Variants in ADAMTS19 observed in about 807,000 individuals in gnomAD.
ADAMTS19 encodes the protein A disintegrin and metalloproteinase with thrombospondin motifs 19.
A neutral mutation model predicts 153.3 loss-of-function variants in ADAMTS19; 93 were observed. The observed-to-expected ratio is 0.61, with a 90% CI of 0.51 to 0.72. The LOEUF is 0.72. ADAMTS19 is among the 30% of genes least tolerant of loss of function. The pLI is 0.00. For missense variants in ADAMTS19, 1,482 were observed against 1,552.1 expected (o/e 0.95, Z 0.76); for synonymous variants, 600 against 556.6 (o/e 1.08, Z -1.10).
intron 19 of ADAMTS19, among the ~76,000 whole-genome samples, chr5:129,700,313 G>T (rs1452067207): frequency 6.6e-6 from 1 of 152,134 alleles, no homozygotes; most frequent in Non-Finnish European, 1.5e-5. Context: ...GTTAAGTTTA[G>T]CCCTGAGTCT....
chr5:129,611,711 G>T (rs2126955763), intron 8 of ADAMTS19, among the ~76,000 whole-genome samples: 1 of 152,224 alleles, frequency 6.6e-6, no homozygotes, highest in East Asian at 1.9e-4. Context: ...TTAGTTTGAA[G>T]TCAGGTAGTG....
intron 3 of ADAMTS19, among the ~76,000 whole-genome samples, chr5:129,516,002 T>C (rs1751592928): frequency 6.6e-6 from 1 of 151,944 alleles, no homozygotes; most frequent in Admixed American, 6.6e-5. Flanking sequence ...TGAAGAGATG[T>C]TGAATTTTAT....
At chr5:129,725,873 A>G (rs1757189095) in intron 21 of ADAMTS19, among the ~76,000 whole-genome samples, 1 of 152,140 alleles carries the variant, frequency 6.6e-6, no homozygotes, top group Non-Finnish European at 1.5e-5. Context: ...GTTGGTTTAC[A>G]TGGTGAAATT....
At chr5:129,650,315 G>C (rs1753261023) in intron 13 of ADAMTS19, among the ~76,000 whole-genome samples, 1 of 152,222 alleles carries the variant, frequency 6.6e-6, no homozygotes, top group South Asian at 2.1e-4. Context: ...TAGTCAATTT[G>C]AACTTTGCTT....
intron 15 of ADAMTS19, among the ~76,000 whole-genome samples, chr5:129,662,888 ATTTTTTT>A (rs3049499): frequency 1.1e-5 from 1 of 92,888 alleles, no homozygotes; most frequent in African/African-American, 4.7e-5. Flanking sequence ...ATTCTTCTTC[ATTTTTTT>A]TTTTTTTTTT....
chr5:129,580,907 G>C (rs970443816), intron 7 of ADAMTS19, among the ~76,000 whole-genome samples: 2 of 152,080 alleles, frequency 1.3e-5, no homozygotes, highest in African/African-American at 4.8e-5. Flanking sequence ...TTTTTGATGT[G>C]TCTCTGCCAG....
chr5:129,686,688 T>C (rs1438882903), intron 18 of ADAMTS19, among the ~76,000 whole-genome samples: 1 of 152,042 alleles, frequency 6.6e-6, no homozygotes, highest in Non-Finnish European at 1.5e-5. Context: ...GGAGCATCCT[T>C]TGGCAGAGGG....
intron 19 of ADAMTS19, among the ~76,000 whole-genome samples, chr5:129,700,096 A>T (rs1240816539): frequency 1.3e-5 from 2 of 152,200 alleles, no homozygotes; most frequent in Non-Finnish European, 2.9e-5. Flanking sequence ...GAAGATTTTA[A>T]TTGACAGGAA....
chr5:129,629,742 C>A (rs920747541), intron 10 of ADAMTS19, among the ~76,000 whole-genome samples: 2 of 152,048 alleles, frequency 1.3e-5, no homozygotes, highest in African/African-American at 2.4e-5. Context: ...TGGCTTTGTT[C>A]CTGAGTCCTA....
intron 8 of ADAMTS19, among the ~76,000 whole-genome samples, chr5:129,601,053 A>G (rs1055145394): frequency 6.6e-6 from 1 of 151,976 alleles, no homozygotes; most frequent in African/African-American, 2.4e-5. Context: ...TTTTGTTTTT[A>G]GTAGAGACGG....
chr5:129,487,206 T>C (rs1750628404), intron 2 of ADAMTS19, among the ~76,000 whole-genome samples: 1 of 152,078 alleles, frequency 6.6e-6, no homozygotes, highest in Non-Finnish European at 1.5e-5. Context: ...CATGGAAGAG[T>C]TTATTTTCTT....
rs1172230827 is a variant in ADAMTS19, at chr5:129,737,300, ATAT to A, written c.*86_*88del. On this transcript the variant is annotated 3_prime_UTR_variant, in exon 23 of 23. Transcript: ENST00000274487. The stretch of plus-strand genomic sequence containing the variant: ...CACACTAGCATGTTTTTCAGACCAA[ATAT>A]TATCAGATTACATATAATTTAATCA... 8.0e-7 allele frequency: 1 copy of A among 1,257,216 alleles called. No individual in the cohort carries two copies. The highest frequency in any genetic ancestry group is 2.8e-5 in the East Asian group (1 of 35,166). 77.9% of individuals were successfully genotyped at this position (1,257,216 alleles called of 1,614,324 possible). A position where few individuals can be genotyped will look rare whatever the true frequency, so the allele number is the denominator to read the frequency against.
chr5:129,700,252 T>C (rs796331043), intron 19 of ADAMTS19, among the ~76,000 whole-genome samples: 4 of 152,274 alleles, frequency 2.6e-5, no homozygotes, highest in African/African-American at 9.6e-5. Context: ...GCTGAATCAG[T>C]GAGATCAAAG....
At chr5:129,551,557 A>T (rs1753118600) in intron 6 of ADAMTS19, among the ~76,000 whole-genome samples, 1 of 140,052 alleles carries the variant, frequency 7.1e-6, no homozygotes, top group Non-Finnish European at 1.6e-5. Flanking sequence ...TCCCAATACC[A>T]GATTTTTTTG....
chr5:129,692,684 T>A (rs954488757), intron 18 of ADAMTS19, among the ~76,000 whole-genome samples: 9 of 152,206 alleles, frequency 5.9e-5, no homozygotes, highest in Non-Finnish European at 1.0e-4. Flanking sequence ...TGCCAAGCCA[T>A]GCAGCCTGCT....
chr5:129,538,256 G>A (rs984422813), intron 6 of ADAMTS19, among the ~76,000 whole-genome samples: 1 of 151,982 alleles, frequency 6.6e-6, no homozygotes, highest in Non-Finnish European at 1.5e-5. Flanking sequence ...ACAGGAAAAA[G>A]TATAGTTAAC....
At position 129,605,956 on chromosome 5, in the gene ADAMTS19, A is replaced by G. The variant is rs189454854; in HGVS notation, c.1478+9292A>G. On this transcript the variant is annotated intron_variant, in intron 8 of 22. Transcript: ENST00000274487. ...CTTGTTTTGATATGGCCAAAAATGC[A>G]TATGTATTTTTCATTTTTGTTTTGA... Among the ~76,000 whole-genome samples, 9 of 152,306 alleles carry G rather than the reference A, an allele frequency of 5.9e-5. No individual in the cohort carries two copies. The East Asian group carries it at 9.7e-4, about 16-fold the overall frequency.
intron 5 of ADAMTS19, among the ~76,000 whole-genome samples, 159 bp downstream of exon 5, chr5:129,527,990 C>A (rs1752076339): frequency 6.6e-6 from 1 of 151,818 alleles, no homozygotes; most frequent in African/African-American, 2.4e-5. Context: ...TTGGTTAATG[C>A]CCCGATCTTA....
chr5:129,504,893 A>ACC lies in ADAMTS19; in HGVS notation c.748-4183_748-4182insCC, dbSNP rs1375491625. On this transcript the variant is annotated intron_variant, in intron 2 of 22. Transcript: ENST00000274487. Reference sequence around the variant, plus strand: ...CACAGACACACACACACACACACACACACACACACACCATTTTTTAATCCA... The same window carrying ACC: ...CACAGACACACACACACACACACACACCCACACACACACCATTTTTTAATCCA... 9.2e-5 allele frequency among the ~76,000 whole-genome samples: 14 copies of ACC among 151,626 alleles called. No homozygotes were observed. In the South Asian group the frequency reaches 2.3e-3, roughly 25 times the overall value.
Sources: allele counts gnomAD v4.1 joint callset (sites outside exome capture counted in the v4.1 genomes callset), GRCh38; gene constraint gnomAD v4.1.1; transcripts MANE v1.5; gene names NCBI Gene and HGNC (gene_info 2026-07-23, HGNC 2026-07-21).